PDE1C: variants seen among roughly 807,000 people sequenced by gnomAD.
PDE1C encodes the protein phosphodiesterase 1C, also known as dual specificity calcium/calmodulin-dependent 3',5'-cyclic nucleotide phosphodiesterase 1C.
Under a neutral mutation model 93.1 loss-of-function variants are expected in PDE1C, and 62 were observed. That is an observed-to-expected ratio of 0.67 (90% confidence interval 0.54 to 0.82). PDE1C has a LOEUF of 0.82. PDE1C is among the 40% of genes least tolerant of loss of function. The pLI, the probability that PDE1C is intolerant of heterozygous loss-of-function variation, is 0.00. For synonymous variants in PDE1C, 325 were observed against 310.1 expected (o/e 1.05, Z -0.50); for missense variants, 742 against 884.6 (o/e 0.84, Z 2.04).
At chr7:31,967,674 C>T (rs758308737) in intron 2 of PDE1C, among the ~76,000 whole-genome samples, 2 of 152,134 alleles carry the variant, frequency 1.3e-5, no homozygotes, top group Non-Finnish European at 1.5e-5. Context: ...AATTTTAGAC[C>T]AATATCCTTG....
At chr7:32,109,704 T>A (rs1285924415) in intron 3 of PDE1C, among the ~76,000 whole-genome samples, 1 of 152,186 alleles carries the variant, frequency 6.6e-6, no homozygotes, top group Non-Finnish European at 1.5e-5. Context: ...TTCTCACTAT[T>A]CAACAAAGTC....
At chr7:31,822,943 G>A (rs1202260778) in intron 14 of PDE1C, 130 bp downstream of exon 14, 3 of 727,674 alleles carry the variant, frequency 4.1e-6, no homozygotes. Flanking sequence ...ATCAAAAGAT[G>A]GTAGATTCTA....
intron 1 of PDE1C, among the ~76,000 whole-genome samples, chr7:32,243,883 G>A (rs1343461754): frequency 6.6e-6 from 1 of 152,220 alleles, no homozygotes; most frequent in Non-Finnish European, 1.5e-5. Context: ...AGACACAGGA[G>A]TTTCTGAACT....
downstream of PDE1C, among the ~76,000 whole-genome samples, chr7:31,746,695 T>C (rs763163548): frequency 2.0e-5 from 3 of 152,184 alleles, no homozygotes; most frequent in Admixed American, 6.5e-5. Flanking sequence ...GAACACAGCT[T>C]CCTCTGAGAC....
intron 3 of PDE1C, among the ~76,000 whole-genome samples, chr7:32,103,083 TTAAA>T (rs1415417241): frequency 6.6e-6 from 1 of 152,124 alleles, no homozygotes; most frequent in Non-Finnish European, 1.5e-5. Context: ...AGGTTGTCAG[TTAAA>T]TAACATCAAT....
At chr7:31,936,436 A>G (rs1263796555) in intron 2 of PDE1C, among the ~76,000 whole-genome samples, 4 of 151,668 alleles carry the variant, frequency 2.6e-5, no homozygotes, top group Non-Finnish European at 4.4e-5. Context: ...GGGAGAAGAA[A>G]AAAAAAAAAA....
At chr7:31,639,913 A>G in the PDE1C span, among the ~76,000 whole-genome samples, 3 of 152,102 alleles carry the variant, frequency 2.0e-5, no homozygotes, top group Non-Finnish European at 2.9e-5. Context: ...GGTGGTTTCA[A>G]TTGATTGATT....
intron 1 of PDE1C, among the ~76,000 whole-genome samples, chr7:32,423,110 C>T (rs755620013): frequency 1.3e-4 from 20 of 152,280 alleles, no homozygotes; most frequent in Non-Finnish European, 2.5e-4. Context: ...TGTGATGGCT[C>T]ACACTTGTAA....
chr7:32,070,266 G>C, intron 1 of PDE1C, 27 bp downstream of exon 1: 1 of 1,613,802 alleles, frequency 6.2e-7, no homozygotes, highest in Non-Finnish European at 8.5e-7. Flanking sequence ...GGGAAATGGG[G>C]CAGGAGAAGT....
chr7:32,295,312 T>C lies in PDE1C; in HGVS notation c.85+3339A>G, dbSNP rs1412132039. On this transcript the variant is annotated intron_variant, in intron 1 of 18. Coordinates refer to the PDE1C transcript ENST00000396193. ...AAGTCCACTGTGGGAGGCAGCATGA[T>C]GTGTGGGACAAACCCGGGCTGACGG... Among the ~76,000 whole-genome samples the C allele has an allele frequency of 2.0e-5, 3 of 152,178 alleles. No homozygotes were observed. The East Asian group carries it at 5.8e-4, about 29-fold the overall frequency.
At position 31,850,109 on chromosome 7, in the gene PDE1C, G is replaced by A. The variant is rs543411896; in HGVS notation, c.851+532C>T. On this transcript the variant is annotated intron_variant, in intron 8 of 17. Transcript: ENST00000396191. ...GCACAGGTTGCTCACGGTGAAAGTA[G>A]CCTACAGGAGACAAACTTACTCCCG... Among the ~76,000 whole-genome samples the A allele has an allele frequency of 2.0e-5, 3 of 152,176 alleles. No homozygotes were observed. The South Asian group carries it at 6.2e-4, about 32-fold the overall frequency.
At chr7:31,687,979 T>C in the PDE1C span, among the ~76,000 whole-genome samples, 1 of 152,184 alleles carries the variant, frequency 6.6e-6, no homozygotes, top group African/African-American at 2.4e-5. Context: ...TAGAAATGGG[T>C]TGGTTTTTGT....
At chr7:31,800,628 T>C (rs1402811609) in intron 16 of PDE1C, among the ~76,000 whole-genome samples, 1 of 151,516 alleles carries the variant, frequency 6.6e-6, no homozygotes, top group Non-Finnish European at 1.5e-5. Context: ...GCTGCCTTAG[T>C]TACCATAGCT....
intron 3 of PDE1C, among the ~76,000 whole-genome samples, chr7:32,147,688 G>C (rs1400053436): frequency 6.6e-6 from 1 of 151,952 alleles, no homozygotes; most frequent in Non-Finnish European, 1.5e-5. Context: ...TAGGAACTTG[G>C]AATCTTCCTC....
chr7:32,221,224 G>T (rs1021039364), intron 1 of PDE1C, among the ~76,000 whole-genome samples: 1 of 152,226 alleles, frequency 6.6e-6, no homozygotes, highest in South Asian at 2.1e-4. Flanking sequence ...CGAAAGAAGA[G>T]AATATTTGTA....
chr7:32,420,124 T>TACATATATATATATATACAC (rs1554320659), intron 1 of PDE1C, among the ~76,000 whole-genome samples: 2 of 13,088 alleles, frequency 1.5e-4, no homozygotes, highest in Non-Finnish European at 2.9e-4. Flanking sequence ...TATATATATA[T>TACATATATATATATATACAC]ACACACACAC....
chr7:31,878,068 A>G (rs760029777), intron 4 of PDE1C, 32 bp from the exon 5 acceptor site: 2 of 1,484,882 alleles, frequency 1.3e-6, no homozygotes, highest in South Asian at 2.3e-5. Flanking sequence ...ATGCAACATG[A>G]TATCTTATAA....
chr7:31,853,543 G>A (rs1793608471), intron 7 of PDE1C, among the ~76,000 whole-genome samples: 1 of 152,076 alleles, frequency 6.6e-6, no homozygotes, highest in African/African-American at 2.4e-5. Flanking sequence ...GCCCTATGAG[G>A]TCAGGCATTA....
At chr7:31,892,466 G>A (rs571606943) in intron 2 of PDE1C, among the ~76,000 whole-genome samples, 8 of 152,174 alleles carry the variant, frequency 5.3e-5, no homozygotes, top group Non-Finnish European at 7.4e-5. Flanking sequence ...CACCTCTACT[G>A]GCAGTGATCC....
Sources: gnomAD v4.1 joint callset for allele counts (sites outside exome capture counted in the v4.1 genomes callset) on GRCh38, gnomAD v4.1.1 for gene constraint, MANE v1.5 for transcripts, NCBI Gene and HGNC (gene_info 2026-07-23, HGNC 2026-07-21) for gene names.